TGFB2: variants seen among roughly 807,000 people sequenced by gnomAD.
TGFB2 encodes transforming growth factor beta 2.
Under a neutral mutation model 42.7 loss-of-function variants are expected in TGFB2, and 13 were observed. The ratio of observed to expected loss-of-function variants is 0.30; its 90% CI spans 0.20 to 0.48. TGFB2 has a LOEUF of 0.48. Among genes scored for constraint, TGFB2 ranks in the 20% least tolerant of loss-of-function variants. The pLI, the probability that TGFB2 is intolerant of heterozygous loss-of-function variation, is 0.99. For synonymous variants in TGFB2, 193 were observed against 193.6 expected (o/e 1.00, Z 0.03); for missense variants, 390 against 517.5 (o/e 0.75, Z 2.39).
intron 1 of TGFB2, among the ~76,000 whole-genome samples, chr1:218,391,442 G>A (rs913652646): frequency 4.6e-5 from 7 of 152,170 alleles, no homozygotes; most frequent in African/African-American, 1.7e-4. Flanking sequence ...TGTGAATTCA[G>A]GTCCTTTTCC....
intron 1 of TGFB2, among the ~76,000 whole-genome samples, chr1:218,388,519 A>C (rs1658212224): frequency 6.6e-6 from 1 of 152,098 alleles, no homozygotes; most frequent in Admixed American, 6.5e-5. Flanking sequence ...GCTGTTCTGA[A>C]GACATCTTTA....
At chr1:218,433,217 C>T (rs1571900252) in intron 2 of TGFB2, among the ~76,000 whole-genome samples, 3 of 152,172 alleles carry the variant, frequency 2.0e-5, no homozygotes, top group Non-Finnish European at 4.4e-5. Context: ...TACAGGCGCC[C>T]ACCACTGTGC....
intron 1 of TGFB2, among the ~76,000 whole-genome samples, chr1:218,370,671 G>A (rs1018688130): frequency 2.6e-5 from 4 of 152,222 alleles, no homozygotes; most frequent in African/African-American, 4.8e-5. Flanking sequence ...CAGGTTTCTC[G>A]CACGTTCATA....
At chr1:218,367,955 G>A (rs555739335) in intron 1 of TGFB2, among the ~76,000 whole-genome samples, 5 of 151,544 alleles carry the variant, frequency 3.3e-5, no homozygotes, top group East Asian at 2.0e-4. Context: ...GCCGCACGCC[G>A]CCACTCCCAG....
intron 2 of TGFB2, among the ~76,000 whole-genome samples, chr1:218,432,503 C>T (rs1408593774): frequency 6.6e-6 from 1 of 152,128 alleles, no homozygotes; most frequent in East Asian, 1.9e-4. Flanking sequence ...AAAAGTCTAC[C>T]ATTATGGCAA....
chr1:218,370,329 C>T (rs1344719651), intron 1 of TGFB2, among the ~76,000 whole-genome samples: 1 of 152,112 alleles, frequency 6.6e-6, no homozygotes, highest in African/African-American at 2.4e-5. Flanking sequence ...AGATTTGCCC[C>T]TTCATGTAAT....
chr1:218,354,966 C>T (rs977257816), intron 1 of TGFB2, among the ~76,000 whole-genome samples: 1 of 152,114 alleles, frequency 6.6e-6, no homozygotes, highest in African/African-American at 2.4e-5. Flanking sequence ...GCAGTGGCAC[C>T]ATCTCAGCTT....
chr1:218,416,703 G>A (rs1324564286), intron 2 of TGFB2, among the ~76,000 whole-genome samples: 1 of 152,080 alleles, frequency 6.6e-6, no homozygotes, highest in Non-Finnish European at 1.5e-5. Flanking sequence ...TTCCACCCTG[G>A]CCCCTTGATA....
intron 1 of TGFB2, among the ~76,000 whole-genome samples, chr1:218,364,217 C>T (rs1204792307): frequency 2.0e-5 from 3 of 152,162 alleles, no homozygotes; most frequent in South Asian, 2.1e-4. Flanking sequence ...GGGTCAGGCC[C>T]TCAGCCAACT....
At chr1:218,347,500 G>A (rs1656727769) in intron 1 of TGFB2, among the ~76,000 whole-genome samples, 1 of 152,148 alleles carries the variant, frequency 6.6e-6, no homozygotes, top group African/African-American at 2.4e-5. Flanking sequence ...TAGCCTCTCC[G>A]GAAGGCGCCC....
intron 6 of TGFB2, among the ~76,000 whole-genome samples, chr1:218,437,932 G>A (rs1439192234): frequency 6.6e-6 from 1 of 152,016 alleles, no homozygotes; most frequent in Non-Finnish European, 1.5e-5. Context: ...ATGAAATCAG[G>A]GTAATTAGGA....
chr1:218,435,952 C>T lies in TGFB2; in HGVS notation c.755-18C>T, dbSNP rs372130514. ...AAGGTGAAGCTAAATGTTTATTACC[C>T]AAATGCATTTTTTCAAGGTATTGAT... On this transcript the variant is annotated intron_variant, in intron 4 of 6. Coordinates refer to ENST00000366930, the MANE Select transcript of TGFB2 (RefSeq NM_003238.6). 64 of 1,587,974 alleles carry T rather than the reference C, an allele frequency of 4.0e-5. No homozygotes were observed. Among genetic ancestry groups the T allele is most frequent in the Non-Finnish European group, 5.4e-5 (63 of 1,169,996 alleles).
chr1:218,430,988 C>G (rs1368566015), intron 2 of TGFB2, among the ~76,000 whole-genome samples: 1 of 152,182 alleles, frequency 6.6e-6, no homozygotes, highest in Non-Finnish European at 1.5e-5. Context: ...GCAGCTGTTT[C>G]CTGTTTCCAC....
At chr1:218,422,590 G>A (rs74143062) in intron 2 of TGFB2, among the ~76,000 whole-genome samples, 2,250 of 152,036 alleles carry the variant, frequency 0.015, 45 homozygotes, top group African/African-American at 0.05. Context: ...CTGGTTTTTT[G>A]GATGTTCATA....
In TGFB2 at chr1:218,436,132, C is replaced by T. The variant is rs989462091; in HGVS notation, c.917C>T (p.Ala306Val). ...CGGCGGAAGAAGCGTGCTTTGGATG[C>T]GGCCTATTGCTTTAGGTAAAGGAAA... is the stretch of plus-strand genomic sequence containing the variant. ...TNRRKKRALD[A>V]AYCFRNVQDN... Residue 306 changes from alanine to valine, a missense_variant, in exon 5 of 7, where the codon GCG (alanine) becomes GTG (valine). Physicochemically the swap from Ala to Val is moderately conservative, Grantham distance 64. Coordinates refer to ENST00000366930, the MANE Select transcript of TGFB2 (RefSeq NM_003238.6). The T allele has an allele frequency of 1.2e-5, 19 of 1,609,182 alleles. No homozygotes were observed. Among genetic ancestry groups the T allele is most frequent in the Non-Finnish European group, 1.4e-5 (16 of 1,178,736 alleles).
rs188856339 is a variant in TGFB2 at position 218,444,111 on chromosome 1, T to C, written c.*2749T>C. 1 of 152,140 alleles carries C rather than the reference T, an allele frequency of 6.6e-6. No homozygotes were observed. The highest frequency in any genetic ancestry group is 1.5e-5 in the Non-Finnish European group (1 of 68,016). The allele number at this position is 152,140 out of a possible 1,614,324, so 9.4% of individuals were successfully genotyped here. On this transcript the variant is annotated 3_prime_UTR_variant, in exon 7 of 7. Coordinates refer to ENST00000366930, the MANE Select transcript of TGFB2 (RefSeq NM_003238.6). ...CACCTTTCCGATTGCCCTCTGTGCT[T>C]TCTCCCTTAAGGACAGTCACTTCAG...
At chr1:218,359,205 G>A (rs1657135417) in intron 1 of TGFB2, among the ~76,000 whole-genome samples, 1 of 152,144 alleles carries the variant, frequency 6.6e-6, no homozygotes, top group Non-Finnish European at 1.5e-5. Flanking sequence ...AGATGGATCT[G>A]TTAAACTTCA....
chr1:218,415,461 G>A (rs931402417), intron 2 of TGFB2, among the ~76,000 whole-genome samples: 6 of 151,918 alleles, frequency 3.9e-5, no homozygotes, highest in South Asian at 2.1e-4. Context: ...TTGGGAGGCC[G>A]AGGTGGGTGG....
At chr1:218,413,388 T>C (rs2102603537) in intron 2 of TGFB2, among the ~76,000 whole-genome samples, 1 of 152,278 alleles carries the variant, frequency 6.6e-6, no homozygotes, top group African/African-American at 2.4e-5. Flanking sequence ...CATCTGCCAA[T>C]GGGTTCCTGT....
Sources: gnomAD v4.1 joint callset for allele counts (sites outside exome capture counted in the v4.1 genomes callset) on GRCh38, gnomAD v4.1.1 for gene constraint, MANE v1.5 for transcripts, NCBI Gene and HGNC (gene_info 2026-07-23, HGNC 2026-07-21) for gene names.